PHACTR2: variants seen among roughly 807,000 people sequenced by gnomAD.
The protein encoded by PHACTR2 is phosphatase and actin regulator 2, also known as chromosome 6 open reading frame 56.
Under a neutral mutation model 76.0 loss-of-function variants are expected in PHACTR2, and 30 were observed. The observed-to-expected ratio is 0.39, with a 90% CI of 0.30 to 0.54. PHACTR2 has a LOEUF of 0.54. Among genes scored for constraint, PHACTR2 ranks in the 20% least tolerant of loss-of-function variants. The probability of loss-of-function intolerance (pLI) is 0.61; values close to 1 mark genes in which losing one functional copy is unlikely to be tolerated. For missense variants in PHACTR2, 696 were observed against 781.1 expected (o/e 0.89, Z 1.30); for synonymous variants, 292 against 292.5 (o/e 1.00, Z 0.02).
intron 4 of PHACTR2, among the ~76,000 whole-genome samples, chr6:143,756,752 C>G (rs547062563): frequency 6.8e-6 from 1 of 146,692 alleles, no homozygotes; most frequent in Non-Finnish European, 1.5e-5. Flanking sequence ...TTAAACAAAG[C>G]TTAGTATTAA....
chr6:143,705,398 C>CA (rs367635050), intron 1 of PHACTR2, among the ~76,000 whole-genome samples: 5,063 of 150,398 alleles, frequency 0.034, 141 homozygotes, highest in African/African-American at 0.077. Flanking sequence ...GGGTTCACGC[C>CA]ATTCTCCTGC....
Position 143,625,251 on chromosome 6 carries a change from C to T in PHACTR2, c.13+16929C>T, listed in dbSNP as rs761462351. Among the ~76,000 whole-genome samples, 3 of 151,948 alleles carry T rather than the reference C, an allele frequency of 2.0e-5. No homozygotes were observed. The highest frequency in any genetic ancestry group is 4.4e-5 in the Non-Finnish European group (3 of 68,002). ...ATCGTTTAAAATACAGTCATGTATA[C>T]GTACAATAGAATTAGATAGTTTCTG... On this transcript the variant is annotated intron_variant, in intron 1 of 11. Coordinates refer to the PHACTR2 transcript ENST00000305766. The surrounding 1 kb of genome is among the most constrained non-coding windows in gnomAD (Gnocchi z 4.3).
chr6:143,766,272 C>G (rs1779561394), intron 6 of PHACTR2, among the ~76,000 whole-genome samples: 1 of 152,194 alleles, frequency 6.6e-6, no homozygotes, highest in Non-Finnish European at 1.5e-5. Context: ...AATTCCCACC[C>G]AGCTTAAATG....
rs1200433969 is a variant in PHACTR2 at position 143,578,411 on chromosome 6, C to G, written c.217+41204C>G. Among the ~76,000 whole-genome samples the G allele has an allele frequency of 2.6e-5, 4 of 152,148 alleles. No homozygotes were observed. Among genetic ancestry groups the G allele is most frequent in the Non-Finnish European group, 5.9e-5 (4 of 68,042 alleles). On this transcript the variant is annotated intron_variant, in intron 1 of 11. Coordinates refer to the PHACTR2 transcript ENST00000367584. The surrounding 1 kb of genome is among the most constrained non-coding windows in gnomAD (Gnocchi z 4.5). ...AATAGATACGTGGCATTAGGCTTTCCCCATAAGAAAGGTTGAGCATGGTAG... is the reference window on the plus strand; with the variant it reads ...AATAGATACGTGGCATTAGGCTTTCGCCATAAGAAAGGTTGAGCATGGTAG...
chr6:143,728,069 G>C (rs1778613458), intron 2 of PHACTR2, among the ~76,000 whole-genome samples: 1 of 152,086 alleles, frequency 6.6e-6, no homozygotes, highest in Admixed American at 6.6e-5. Flanking sequence ...TTTATATCTA[G>C]AAACTCTTAG....
chr6:143,559,510 T>C (rs936752661), intron 1 of PHACTR2, among the ~76,000 whole-genome samples: 1 of 152,128 alleles, frequency 6.6e-6, no homozygotes, highest in Non-Finnish European at 1.5e-5. Context: ...TAATTCTTTC[T>C]GGATCTGAAG....
chr6:143,802,746 T>C (rs1203913173), intron 11 of PHACTR2, among the ~76,000 whole-genome samples: 1 of 152,148 alleles, frequency 6.6e-6, no homozygotes, highest in South Asian at 2.1e-4. Flanking sequence ...AAGTTTATTA[T>C]ACATGTATTT....
rs1209060379 is a variant in PHACTR2 at position 143,550,766 on chromosome 6, C to CGGT, written c.217+13562_217+13564dup. 3.3e-5 allele frequency among the ~76,000 whole-genome samples: 5 copies of CGGT among 151,880 alleles called. No individual in the cohort carries two copies. In the East Asian group the frequency reaches 9.7e-4, roughly 29 times the overall value. On this transcript the variant is annotated intron_variant, in intron 1 of 11. Transcript: ENST00000367584. The surrounding 1 kb of genome is among the most constrained non-coding windows in gnomAD (Gnocchi z 4.8). ...AACAAACAAAGATTAGGGGCGAGTGCGGTGGCTCACGCCTGTAATCCTAGC... is the reference window on the plus strand; with the variant it reads ...AACAAACAAAGATTAGGGGCGAGTGCGGTGGTGGCTCACGCCTGTAATCCTAGC...
intron 1 of PHACTR2, among the ~76,000 whole-genome samples, chr6:143,575,833 T>C (rs948930332): frequency 9.2e-5 from 14 of 152,364 alleles, no homozygotes; most frequent in African/African-American, 3.1e-4. Context: ...CAGAGTACAA[T>C]TGATTCTTAA....
chr6:143,772,256 A>G lies in PHACTR2; in HGVS notation c.1233-2A>G. 6.2e-7 allele frequency: 1 copy of G among 1,611,492 alleles called. No individual in the cohort carries two copies. Among genetic ancestry groups the G allele is most frequent in the Non-Finnish European group, 8.5e-7 (1 of 1,177,692 alleles). ...ACTCCCATGCTTTTCTGCCTTTAACAGTTTCACAACCAAAGAGGAGCTGGG... is the reference window on the plus strand; with the variant it reads ...ACTCCCATGCTTTTCTGCCTTTAACGGTTTCACAACCAAAGAGGAGCTGGG... On this transcript the variant is annotated splice_acceptor_variant, in intron 6 of 12. Transcript: ENST00000440869. LOFTEE classifies it high-confidence loss of function. This position sits in a 1 kb window ranked among gnomAD's most constrained non-coding sequence, Gnocchi z 5.4.
Position 143,775,198 on chromosome 6 carries a change from A to G in PHACTR2, c.1589+983A>G, listed in dbSNP as rs749072864. Among the ~76,000 whole-genome samples, 3 of 152,170 alleles carry G rather than the reference A, an allele frequency of 2.0e-5. No individual in the cohort carries two copies. The highest frequency in any genetic ancestry group is 2.9e-5 in the Non-Finnish European group (2 of 68,038). On this transcript the variant is annotated intron_variant, in intron 8 of 12. Transcript: ENST00000440869. The surrounding 1 kb of genome is among the most constrained non-coding windows in gnomAD (Gnocchi z 4.4). ...CAGCTGAGTTGTGCAGAAAGGTGTC[A>G]GAGACAGCAGCTGTGGCATCTATCT...
upstream of PHACTR2, among the ~76,000 whole-genome samples, chr6:143,673,726 C>A (rs1331147176): frequency 6.6e-6 from 1 of 152,012 alleles, no homozygotes; most frequent in Non-Finnish European, 1.5e-5. Context: ...TCCAGCACCA[C>A]CCCTTGAGGT....
In PHACTR2 at chr6:143,783,203, C is replaced by T. The variant is rs1235094278; in HGVS notation, c.1646-16C>T. 1 of 1,567,432 alleles carries T rather than the reference C, an allele frequency of 6.4e-7. No homozygotes were observed. Among genetic ancestry groups the T allele is most frequent in the Non-Finnish European group, 8.8e-7 (1 of 1,139,436 alleles). ...TATAGTAACTGTCATCACGACTTTC[C>T]TCCTTTAATAAACAGAAAAGAATGA... On this transcript the variant is annotated splice_polypyrimidine_tract_variant and intron_variant, in intron 9 of 12. Coordinates refer to ENST00000440869, the MANE Select transcript of PHACTR2 (RefSeq NM_001100164.2). The surrounding 1 kb of genome is among the most constrained non-coding windows in gnomAD (Gnocchi z 5.2).
In PHACTR2 at chr6:143,641,742, G is replaced by T. The variant is rs1460068403; in HGVS notation, c.13+33420G>T. ...GCTGGTCTTGAACTCCCAACCTCAG[G>T]TGATCCACTGGCCTCAGCCTCCGAA... is the stretch of plus-strand genomic sequence containing the variant. On this transcript the variant is annotated intron_variant, in intron 1 of 11. Transcript: ENST00000305766. This position sits in a 1 kb window ranked among gnomAD's most constrained non-coding sequence, Gnocchi z 5.8. 6.6e-6 allele frequency among the ~76,000 whole-genome samples: 1 copy of T among 152,078 alleles called. No individual in the cohort carries two copies. The highest frequency in any genetic ancestry group is 1.9e-4 in the East Asian group (1 of 5,186).
At chr6:143,705,355 C>T (rs554200073) in intron 1 of PHACTR2, among the ~76,000 whole-genome samples, 13 of 142,486 alleles carry the variant, frequency 9.1e-5, no homozygotes, top group South Asian at 4.5e-4. Context: ...AGTGCAGTGG[C>T]GCAATCTTGG....
intron 12 of PHACTR2, among the ~76,000 whole-genome samples, chr6:143,817,231 C>T (rs1776317646): frequency 1.3e-5 from 2 of 152,206 alleles, no homozygotes; most frequent in African/African-American, 2.4e-5. Flanking sequence ...ATTAGATGAA[C>T]ATCTGAAGAT....
upstream of PHACTR2, chr6:143,608,172 C>T: frequency 1.2e-6 from 1 of 828,704 alleles, no homozygotes; most frequent in Non-Finnish European, 2.1e-6. This position sits in a 1 kb window ranked among gnomAD's most constrained non-coding sequence, Gnocchi z 4.6. Flanking sequence ...GCGGTGTCTC[C>T]TGCAGACAGT....
intron 1 of PHACTR2, among the ~76,000 whole-genome samples, chr6:143,582,137 C>T (rs1047544865): frequency 6.6e-6 from 1 of 152,154 alleles, no homozygotes; most frequent in Non-Finnish European, 1.5e-5. Flanking sequence ...TCTGTAAATG[C>T]CAAGCCAAAC....
chr6:143,773,119 A>G (rs967857776), intron 7 of PHACTR2, among the ~76,000 whole-genome samples: 1 of 152,212 alleles, frequency 6.6e-6, no homozygotes, highest in Non-Finnish European at 1.5e-5. Context: ...AGGCTGAGGC[A>G]GGAGAATCGC....
Sources: gnomAD v4.1 joint callset for allele counts (sites outside exome capture counted in the v4.1 genomes callset) on GRCh38, gnomAD v4.1.1 for gene constraint, Gnocchi (gnomAD v3.1) non-coding constraint, MANE v1.5 for transcripts, NCBI Gene and HGNC (gene_info 2026-07-23, HGNC 2026-07-21) for gene names.